RDH12: variants seen among roughly 807,000 people sequenced by gnomAD.
RDH12 encodes the protein all-trans and 9-cis retinol dehydrogenase.
In RDH12, 21 loss-of-function variants were observed where a neutral mutation model predicts 34.0. The observed-to-expected ratio is 0.62, with a 90% confidence interval of 0.44 to 0.89. The LOEUF (loss-of-function observed/expected upper bound fraction) is 0.89, where lower values mean the gene tolerates loss of function less well. Ranked by LOEUF, RDH12 falls within the 40% of genes least tolerant of loss-of-function variation. The probability of loss-of-function intolerance (pLI) is 0.00; values close to 1 mark genes in which losing one functional copy is unlikely to be tolerated. For synonymous variants in RDH12, 198 were observed against 169.9 expected, an observed-to-expected ratio of 1.17 and a Z score of -1.29; for missense variants, 394 against 398.6, an observed-to-expected ratio of 0.99 and a Z score of 0.10.
At chr14:67,724,381 G>C (rs2140140957) in intron 3 of RDH12, 92 bp from the exon 4 acceptor site, 1 of 934,792 alleles carries the variant, frequency 1.1e-6, no homozygotes, top group Non-Finnish European at 1.7e-6. Flanking sequence ...CCTTCTTTGA[G>C]GCTGGATAGA....
intron 7 of RDH12, 43 bp from the exon 8 acceptor site, chr14:67,729,148 C>A: frequency 6.3e-7 from 1 of 1,593,804 alleles, no homozygotes; most frequent in Non-Finnish European, 8.6e-7. Context: ...TTTTCCTGGG[C>A]TCAGAGTGTG....
At position 67,722,482 on chromosome 14, in the gene RDH12, G is replaced by A. The variant is rs1360852085; in HGVS notation, c.-161G>A. ...CTCTTGGATTTAAATAGGATTCTGG[G>A]CTCTGCTCAGAGTCAGGCTGCTGCT... is the stretch of plus-strand genomic sequence containing the variant. On this transcript the variant is annotated 5_prime_UTR_variant, in exon 3 of 9. Transcript: ENST00000551171. 8.0e-6 allele frequency: 6 copies of A among 753,548 alleles called. 1 individual carries two copies. Among genetic ancestry groups the A allele is most frequent in the African/African-American group, 1.7e-5 (1 of 58,280 alleles). The allele number at this position is 753,548 out of a possible 1,614,324, so 46.7% of individuals were successfully genotyped here. A position where few individuals can be genotyped will look rare whatever the true frequency, so the allele number is the denominator to read the frequency against.
At chr14:67,733,123 A>G (rs1047064239) in intron 8 of RDH12, among the ~76,000 whole-genome samples, 1 of 120,238 alleles carries the variant, frequency 8.3e-6, no homozygotes, top group Non-Finnish European at 2.0e-5. Context: ...AAGTATAATA[A>G]TAATAAAATT....
At chr14:67,726,236 A>G (rs2038184040) in intron 6 of RDH12, 81 bp downstream of exon 6, 2 of 888,808 alleles carry the variant, frequency 2.3e-6, no homozygotes, top group South Asian at 2.6e-5. Flanking sequence ...AAATGTGGAG[A>G]ATGTCCAGGG....
intron 3 of RDH12, among the ~76,000 whole-genome samples, chr14:67,723,346 G>T (rs1440294130): frequency 2.6e-5 from 4 of 152,166 alleles, no homozygotes; most frequent in African/African-American, 9.7e-5. Context: ...CAACCCTCCT[G>T]CCTCAGCCTC....
intron 8 of RDH12, among the ~76,000 whole-genome samples, chr14:67,731,347 T>C (rs2075315923): frequency 6.6e-6 from 1 of 151,518 alleles, no homozygotes; most frequent in Non-Finnish European, 1.5e-5. Flanking sequence ...CCCGAGTAGC[T>C]GGGATTACAG....
In RDH12 at chr14:67,725,205, C is replaced by T. The variant is rs2140142371; in HGVS notation, c.294C>T (p.Asp98=). 1 of 1,614,042 alleles carries T rather than the reference C, an allele frequency of 6.2e-7. No homozygotes were observed. The highest frequency in any genetic ancestry group is 8.5e-7 in the Non-Finnish European group (1 of 1,180,036). ...CCCAGGTGCTGGTGCGGAAATTGGA[C>T]CTATCCGACACCAAATCTATCCGAG... ...KNSQVLVRKL[D]LSDTKSIRAF... The change falls in exon 5 of 9, where the codon GAC becomes GAT. Residue 98 remains aspartate (D), a synonymous_variant. Transcript: ENST00000551171.
intron 7 of RDH12, chr14:67,728,040 C>T (rs1349076751): frequency 1.3e-5 from 2 of 152,258 alleles, no homozygotes; most frequent in African/African-American, 2.4e-5. Flanking sequence ...CCTTTAACCT[C>T]CCCTGACTTC....
intron 1 of RDH12, among the ~76,000 whole-genome samples, chr14:67,708,046 C>T (rs1366558808): frequency 6.6e-6 from 1 of 152,224 alleles, no homozygotes; most frequent in African/African-American, 2.4e-5. Context: ...TCTTACTGCA[C>T]TTACGTAAAT....
intron 2 of RDH12, among the ~76,000 whole-genome samples, chr14:67,721,634 C>T (rs12431676): frequency 2.6e-5 from 4 of 151,792 alleles, no homozygotes; most frequent in African/African-American, 9.7e-5. Context: ...AAGGGAGATA[C>T]GAATCAGAAC....
At chr14:67,725,006 GAATGCTCTGTCCCCCAGTCCC>G (rs1203098050) in intron 4 of RDH12, 72 bp from the exon 5 acceptor site, 2 of 1,396,372 alleles carry the variant, frequency 1.4e-6, no homozygotes, top group Non-Finnish European at 2.0e-6. Context: ...CTGGGAGAAT[GAATGCTCTGTCCCCCAGTCCC>G]AAGCTCACTT....
chr14:67,725,073 C>A (rs759719906), intron 4 of RDH12, 26 bp from the exon 5 acceptor site: 1 of 1,613,808 alleles, frequency 6.2e-7, no homozygotes, highest in South Asian at 1.1e-5. Flanking sequence ...TATGAACATA[C>A]TGCTCTTTTT....
At chr14:67,723,895 C>T (rs946656823) in intron 3 of RDH12, among the ~76,000 whole-genome samples, 1 of 152,192 alleles carries the variant, frequency 6.6e-6, no homozygotes, top group African/African-American at 2.4e-5. Context: ...TTGCCATCGG[C>T]CAGAATGAAA....
Position 67,726,045 on chromosome 14 carries a change from C to T in RDH12, c.344-6C>T, listed in dbSNP as rs747236322. The stretch of plus-strand genomic sequence containing the variant: ...ACCATAGGATCTCTTTGGTTGTGCC[C>T]TATAGAGGAAAAGCAGCTCCATATT... On this transcript the variant is annotated splice_region_variant and splice_polypyrimidine_tract_variant and intron_variant, in intron 5 of 8. Transcript: ENST00000551171. 6.2e-7 allele frequency: 1 copy of T among 1,604,300 alleles called. No homozygotes were observed. Among genetic ancestry groups the T allele is most frequent in the Non-Finnish European group, 8.5e-7 (1 of 1,171,186 alleles).
At chr14:67,732,403 C>T (rs1269075354) in intron 8 of RDH12, among the ~76,000 whole-genome samples, 1 of 148,154 alleles carries the variant, frequency 6.7e-6, no homozygotes, top group Non-Finnish European at 1.5e-5. Context: ...GCACTCCAGC[C>T]TGGGTGATGA....
In RDH12 at chr14:67,729,287, C is replaced by T. The variant is rs376787473; in HGVS notation, c.755C>T (p.Ser252Phe). ...SLLCLLWRLFSPFVKTAREGA... is the reference protein window; with the variant it reads ...SLLCLLWRLFFPFVKTAREGA... ...CTCTGCCTGCTCTGGCGGCTCTTCT[C>T]CCCCTTTGTCAAGACGGCACGGGAG... The change falls in exon 8 of 9, where the codon TCC (serine) becomes TTC (phenylalanine). Residue 252 changes from serine (S) to phenylalanine (F), a missense_variant. Ser to Phe is a radical substitution (Grantham distance 155). Coordinates refer to ENST00000551171, the MANE Select transcript of RDH12 (RefSeq NM_152443.3). 1 of 1,604,710 alleles carries T rather than the reference C, an allele frequency of 6.2e-7. No homozygotes were observed. Among genetic ancestry groups the T allele is most frequent in the East Asian group, 2.2e-5 (1 of 44,884 alleles).
chr14:67,712,879 A>T (rs558679778), intron 1 of RDH12, among the ~76,000 whole-genome samples: 38 of 152,150 alleles, frequency 2.5e-4, no homozygotes, highest in Non-Finnish European at 3.4e-4. Context: ...AGTAATCAAA[A>T]TAAAAAAATG....
Position 67,722,634 on chromosome 14 carries a change from G to A in RDH12, c.-9G>A. On this transcript the variant is annotated 5_prime_UTR_variant, in exon 3 of 9. Transcript: ENST00000551171. ...AGCAAAAGCAACAGCAGCTACAGAAGTTGGAACGATGCTGGTCACCTTGGG... is the reference window on the plus strand; with the variant it reads ...AGCAAAAGCAACAGCAGCTACAGAAATTGGAACGATGCTGGTCACCTTGGG... The A allele has an allele frequency of 1.9e-6, 3 of 1,613,496 alleles. No homozygotes were observed. The highest frequency in any genetic ancestry group is 2.5e-6 in the Non-Finnish European group (3 of 1,179,396).
intron 1 of RDH12, among the ~76,000 whole-genome samples, chr14:67,717,347 G>A (rs2038079544): frequency 6.6e-6 from 1 of 152,190 alleles, no homozygotes; most frequent in Non-Finnish European, 1.5e-5. Flanking sequence ...CTAATGGAGT[G>A]ATTAGAGGTA....
Sources: allele counts gnomAD v4.1 joint callset (sites outside exome capture counted in the v4.1 genomes callset), GRCh38; gene constraint gnomAD v4.1.1; transcripts MANE v1.5; gene names NCBI Gene and HGNC (gene_info 2026-07-23, HGNC 2026-07-21).